RLF: variants seen among roughly 807,000 people sequenced by gnomAD.
RLF encodes RLF zinc finger, also known as zinc finger protein Rlf.
A neutral mutation model predicts 162.9 loss-of-function variants in RLF; 7 were observed. The ratio of observed to expected loss-of-function variants is 0.04; its 90% confidence interval spans 0.02 to 0.08. RLF has a LOEUF of 0.08. Among genes scored for constraint, RLF ranks in the 10% least tolerant of loss-of-function variants. The probability of loss-of-function intolerance (pLI) is 1.00; values close to 1 mark genes in which losing one functional copy is unlikely to be tolerated. For missense variants in RLF, 1,664 were observed against 2,244.7 expected (o/e 0.74, Z 5.23); for synonymous variants, 782 against 791.5 (o/e 0.99, Z 0.20).
rs1477160337 is a variant in RLF at position 40,235,987 on chromosome 1, T to C, written c.1285T>C (p.Leu429=). Residue 429 remains leucine, a synonymous_variant, in exon 8 of 8, where the codon TTA becomes CTA. Coordinates refer to ENST00000372771, the MANE Select transcript of RLF (RefSeq NM_012421.4). ...IEPSLDGFNM[L]EELYLQPDQK... ...ACCCAGTTTGGATGGATTTAATATG[T>C]TAGAAGAACTATATTTGCAACCAGA... 4 of 1,613,288 alleles carry C rather than the reference T, an allele frequency of 2.5e-6. No individual in the cohort carries two copies. The South Asian group carries it at 4.4e-5, about 18-fold the overall frequency.
intron 5 of RLF, among the ~76,000 whole-genome samples, chr1:40,220,622 G>A (rs757234556): frequency 1.1e-4 from 17 of 152,154 alleles, no homozygotes; most frequent in Non-Finnish European, 8.8e-5. Flanking sequence ...ATCCATTAGG[G>A]CAAAAATTAG....
chr1:40,231,136 A>T (rs1643147280), intron 6 of RLF, among the ~76,000 whole-genome samples: 1 of 152,158 alleles, frequency 6.6e-6, no homozygotes, highest in Non-Finnish European at 1.5e-5. Flanking sequence ...TTTCGTTGTT[A>T]ATTTAGTGAT....
rs34712514 is a variant in RLF at position 40,239,727 on chromosome 1, T to C, written c.5025T>C (p.Asn1675=). 0.013 allele frequency: 20,867 copies of C among 1,614,084 alleles called. 1,325 individuals are homozygous for C. The African/African-American group carries it at 0.18, about 14-fold the overall frequency. ...TCTACAGGGGAACTTTGAAATGTAA[T>C]CATAGTTCCAAAACCACTTCCCTAG... ...TLLYRGTLKC[N]HSSKTTSLEQ... is the part of the protein sequence containing the mutation. The change falls in exon 8 of 8, where the codon AAT becomes AAC. Residue 1675 remains asparagine, a synonymous_variant. Transcript: ENST00000372771.
intron 1 of RLF, among the ~76,000 whole-genome samples, chr1:40,172,973 C>T (rs958286202): frequency 6.6e-6 from 1 of 152,024 alleles, no homozygotes; most frequent in Non-Finnish European, 1.5e-5. Context: ...TTTACTAAAT[C>T]CTTGCCAATG....
intron 5 of RLF, among the ~76,000 whole-genome samples, chr1:40,208,126 G>T (rs1178388083): frequency 6.6e-6 from 1 of 152,196 alleles, no homozygotes; most frequent in Non-Finnish European, 1.5e-5. Context: ...TTGAGATTTA[G>T]TAGTAACTTG....
intron 1 of RLF, among the ~76,000 whole-genome samples, chr1:40,177,146 C>G (rs375831399): frequency 6.6e-6 from 1 of 151,794 alleles, no homozygotes; most frequent in Non-Finnish European, 1.5e-5. Context: ...CCACCACACC[C>G]GGCTAATTTC....
At chr1:40,187,220 G>A (rs1020155062) in intron 1 of RLF, among the ~76,000 whole-genome samples, 1 of 151,998 alleles carries the variant, frequency 6.6e-6, no homozygotes. Context: ...TTTTAGAGAC[G>A]GGGTTTCACC....
intron 6 of RLF, among the ~76,000 whole-genome samples, chr1:40,225,456 G>A (rs747514515): frequency 6.6e-6 from 1 of 151,864 alleles, no homozygotes; most frequent in African/African-American, 2.4e-5. Flanking sequence ...GCGTGTGCCT[G>A]TAATCCCAGC....
At chr1:40,198,119 T>C (rs1195989430) in intron 4 of RLF, among the ~76,000 whole-genome samples, 2 of 151,964 alleles carry the variant, frequency 1.3e-5, no homozygotes, top group African/African-American at 4.8e-5. Flanking sequence ...TTCTCCTGCC[T>C]TAGCCTCTCG....
intron 5 of RLF, among the ~76,000 whole-genome samples, chr1:40,214,282 T>G (rs1557753616): frequency 6.6e-6 from 1 of 152,180 alleles, no homozygotes; most frequent in Non-Finnish European, 1.5e-5. Flanking sequence ...AGCTGGAAAT[T>G]AAGAGTTCTA....
intron 1 of RLF, among the ~76,000 whole-genome samples, chr1:40,184,538 T>G (rs2124532560): frequency 6.6e-6 from 1 of 152,220 alleles, no homozygotes; most frequent in African/African-American, 2.4e-5. Flanking sequence ...GGGGAAGATG[T>G]TTGGTTTTGG....
intron 6 of RLF, among the ~76,000 whole-genome samples, chr1:40,226,075 CTATG>C (rs1643068612): frequency 6.6e-6 from 1 of 152,028 alleles, no homozygotes; most frequent in South Asian, 2.1e-4. Flanking sequence ...AAACAAAAAA[CTATG>C]TAACTGTCAC....
At chr1:40,175,062 G>A (rs748573810) in intron 1 of RLF, among the ~76,000 whole-genome samples, 2 of 152,008 alleles carry the variant, frequency 1.3e-5, no homozygotes, top group Admixed American at 1.3e-4. Context: ...AGTTAGTTGG[G>A]CATTTTGGTG....
intron 4 of RLF, among the ~76,000 whole-genome samples, chr1:40,200,867 TACACACACACACACACACAC>T (rs71060356): frequency 0.017 from 589 of 34,822 alleles, 5 homozygotes; most frequent in Admixed American, 0.027. Flanking sequence ...ATTGCTACTC[TACACACACACACACACACAC>T]ACACACACAC....
intron 1 of RLF, among the ~76,000 whole-genome samples, chr1:40,168,080 A>G (rs914122101): frequency 5.9e-5 from 9 of 151,866 alleles, no homozygotes; most frequent in Admixed American, 6.6e-5. Flanking sequence ...GTGTGGTAAT[A>G]TTAGCACACC....
chr1:40,199,131 T>G (rs1642676660), intron 4 of RLF, among the ~76,000 whole-genome samples: 1 of 152,232 alleles, frequency 6.6e-6, no homozygotes, highest in South Asian at 2.1e-4. Context: ...CCCAAGACCA[T>G]GTAGTTACAA....
In RLF at chr1:40,178,265, A is replaced by G. The variant is rs368768793; in HGVS notation, c.238-10790A>G. ...CTCATTCTGGATTCTATTCTGTTTC[A>G]TTGATCTGTTTGTCTACTCTGATGC... On this transcript the variant is annotated intron_variant, in intron 1 of 7. Transcript: ENST00000372771. Among the ~76,000 whole-genome samples, 75 of 152,156 alleles carry G rather than the reference A, an allele frequency of 4.9e-4. 2 individuals are homozygous for G. The South Asian group carries it at 0.015, about 31-fold the overall frequency.
At chr1:40,179,262 G>T (rs12744808) in intron 1 of RLF, among the ~76,000 whole-genome samples, 11,641 of 152,250 alleles carry the variant, frequency 0.076, 614 homozygotes, top group South Asian at 0.15. Context: ...GCAGAGATTT[G>T]AAACTGTAGC....
chr1:40,169,610 G>A (rs1642212986), intron 1 of RLF, among the ~76,000 whole-genome samples: 2 of 119,368 alleles, frequency 1.7e-5, no homozygotes, highest in Non-Finnish European at 3.3e-5. Context: ...GCGACAGAGC[G>A]AGACTCCGTC....
Sources: gnomAD v4.1 joint callset for allele counts (sites outside exome capture counted in the v4.1 genomes callset) on GRCh38, gnomAD v4.1.1 for gene constraint, MANE v1.5 for transcripts, NCBI Gene and HGNC (gene_info 2026-07-23, HGNC 2026-07-21) for gene names.